RC3H1: variants seen among roughly 807,000 people sequenced by gnomAD.
The protein encoded by RC3H1 is ring finger and CCCH-type domains 1, also known as roquin-1.
In RC3H1, 50 loss-of-function variants were observed where a neutral mutation model predicts 138.2. The observed-to-expected ratio is 0.36, with a 90% CI of 0.29 to 0.46. RC3H1 has a LOEUF of 0.46. Ranked by LOEUF, RC3H1 falls within the 20% of genes least tolerant of loss-of-function variation. The pLI, the probability that RC3H1 is intolerant of heterozygous loss-of-function variation, is 1.00. For missense variants in RC3H1, 1,031 were observed against 1,388.1 expected (o/e 0.74, Z 4.09); for synonymous variants, 462 against 489.1 (o/e 0.94, Z 0.73).
At chr1:173,970,373 G>T (rs990415929) in intron 9 of RC3H1, 132 bp downstream of exon 9, 1 of 671,354 alleles carries the variant, frequency 1.5e-6, no homozygotes, top group African/African-American at 1.9e-5. Flanking sequence ...GAATAGGAAT[G>T]TTCAAGCTGT....
chr1:173,961,099 G>A lies in RC3H1; in HGVS notation c.2348C>T (p.Pro783Leu), dbSNP rs766549471. 19 of 1,613,294 alleles carry A rather than the reference G, an allele frequency of 1.2e-5. No individual in the cohort carries two copies. Among genetic ancestry groups the A allele is most frequent in the Non-Finnish European group, 1.7e-6 (2 of 1,179,738 alleles). The part of the protein sequence containing the change: ...PPPFAPSPTL[P>L]PTFHPEEFLD... ...TACTTCTTCCGGATGAAAGGTAGGAGGCAAGGTTGGTGAAGGTGCAAAAGG... is the reference window on the plus strand; with the variant it reads ...TACTTCTTCCGGATGAAAGGTAGGAAGCAAGGTTGGTGAAGGTGCAAAAGG... The change falls in exon 13 of 20, where the codon CCT (proline) becomes CTT (leucine). Residue 783 changes from proline (P) to leucine (L), a missense_variant. By Grantham distance (98) the Pro-to-Leu change is moderately conservative. Transcript: ENST00000367696.
chr1:173,992,186 C>T (rs1661316882), intron 2 of RC3H1, among the ~76,000 whole-genome samples: 1 of 152,182 alleles, frequency 6.6e-6, no homozygotes, highest in Non-Finnish European at 1.5e-5. Flanking sequence ...CTCACTCTGT[C>T]ACCCAGGCTG....
chr1:174,007,705 A>G (rs753279753), intron 1 of RC3H1, among the ~76,000 whole-genome samples: 1 of 151,896 alleles, frequency 6.6e-6, no homozygotes, highest in Admixed American at 6.6e-5. Context: ...TGATCCTCCT[A>G]CCTCAGCCTC....
chr1:173,974,787 G>A (rs1428962967), intron 7 of RC3H1, among the ~76,000 whole-genome samples: 3 of 152,168 alleles, frequency 2.0e-5, no homozygotes, highest in Non-Finnish European at 4.4e-5. Context: ...GAGAATTTAT[G>A]AGCAGAGGGT....
rs1658371617 is a variant in RC3H1, at chr1:173,931,368, C to T, written c.*7353G>A. 6.6e-6 allele frequency: 1 copy of T among 152,156 alleles called. No individual in the cohort carries two copies. Among genetic ancestry groups the T allele is most frequent in the South Asian group, 2.1e-4 (1 of 4,828 alleles). 9.4% of individuals were successfully genotyped at this position (152,156 alleles called of 1,614,324 possible). A position where few individuals can be genotyped will look rare whatever the true frequency, so the allele number is the denominator to read the frequency against. On this transcript the variant is annotated 3_prime_UTR_variant, in exon 20 of 20. Transcript: ENST00000367696. ...CTGCAACTCATGGGAGCCTTAAACA[C>T]TAATTAGGAGCAACATGAGGCTGAG...
At chr1:173,955,195 C>T (rs1362548473) in intron 13 of RC3H1, among the ~76,000 whole-genome samples, 2 of 134,782 alleles carry the variant, frequency 1.5e-5, no homozygotes, top group Admixed American at 1.5e-4. Flanking sequence ...CATTGCACTC[C>T]AGCCCAGACG....
At chr1:173,997,672 A>C (rs1012167617) in intron 1 of RC3H1, among the ~76,000 whole-genome samples, 1 of 152,186 alleles carries the variant, frequency 6.6e-6, no homozygotes, top group African/African-American at 2.4e-5. Flanking sequence ...AAAAATCAGC[A>C]ATCAGTTCTT....
At position 173,983,672 on chromosome 1, in the gene RC3H1, A is replaced by C. The variant is rs1221266225; in HGVS notation, c.353-15T>G. On this transcript the variant is annotated splice_polypyrimidine_tract_variant and intron_variant, in intron 3 of 19. Coordinates refer to ENST00000367696, the MANE Select transcript of RC3H1 (RefSeq NM_172071.4). ...CAGACCCACTCCTTTAAAAGAGTAA[A>C]GAAGTTATTCCTAGGTTCACAATGC... is the stretch of plus-strand genomic sequence containing the variant. 3.1e-6 allele frequency: 5 copies of C among 1,611,562 alleles called. No homozygotes were observed. Among genetic ancestry groups the C allele is most frequent in the Non-Finnish European group, 4.2e-6 (5 of 1,178,578 alleles).
At chr1:174,014,785 A>G (rs1352960597) in intron 1 of RC3H1, among the ~76,000 whole-genome samples, 1 of 152,218 alleles carries the variant, frequency 6.6e-6, no homozygotes, top group African/African-American at 2.4e-5. Flanking sequence ...CTTAAGTCAT[A>G]GAAGATGAGA....
At chr1:173,979,826 G>A (rs908331130) in intron 6 of RC3H1, among the ~76,000 whole-genome samples, 3 of 152,128 alleles carry the variant, frequency 2.0e-5, no homozygotes, top group African/African-American at 7.2e-5. Context: ...TCTGGTTAAA[G>A]GTATCCAGGG....
intron 1 of RC3H1, among the ~76,000 whole-genome samples, chr1:174,005,063 C>T (rs12122559): frequency 0.027 from 4,090 of 152,220 alleles, 91 homozygotes; most frequent in Middle Eastern, 0.085. Flanking sequence ...TTATTTCCCC[C>T]ATCCTTCAAC....
chr1:173,944,404 CA>C (rs1038783651), intron 17 of RC3H1, among the ~76,000 whole-genome samples: 1 of 151,898 alleles, frequency 6.6e-6, no homozygotes, highest in African/African-American at 2.4e-5. Flanking sequence ...AACTTTAAAA[CA>C]AAAAATCATG....
At chr1:174,012,784 C>CAAAAAA (rs11397475) in intron 1 of RC3H1, among the ~76,000 whole-genome samples, 1 of 112,774 alleles carries the variant, frequency 8.9e-6, no homozygotes, top group Non-Finnish European at 2.0e-5. Context: ...GACTCTGTCT[C>CAAAAAA]AAAAAAAAAA....
chr1:173,947,750 T>C (rs1659197164), intron 14 of RC3H1, among the ~76,000 whole-genome samples, 168 bp from the exon 15 acceptor site: 1 of 152,176 alleles, frequency 6.6e-6, no homozygotes, highest in African/African-American at 2.4e-5. Flanking sequence ...TTTAAACCTC[T>C]GAGGTGAGGG....
intron 14 of RC3H1, among the ~76,000 whole-genome samples, chr1:173,950,420 CAAAAAA>C (rs60259705): frequency 3.1e-5 from 2 of 63,664 alleles, no homozygotes; most frequent in African/African-American, 7.0e-5. Context: ...TCATCTCTAC[CAAAAAA>C]AAAAAAAAAA....
At chr1:174,020,878 G>A (rs1360818706) in intron 1 of RC3H1, among the ~76,000 whole-genome samples, 1 of 152,060 alleles carries the variant, frequency 6.6e-6, no homozygotes, top group Non-Finnish European at 1.5e-5. Flanking sequence ...GCATGGTGGC[G>A]GGCGCCTGTA....
At chr1:173,974,277 C>CAAAAAAAA (rs571801899) in intron 7 of RC3H1, among the ~76,000 whole-genome samples, 2 of 47,204 alleles carry the variant, frequency 4.2e-5, no homozygotes, top group Non-Finnish European at 7.7e-5. Flanking sequence ...GAGACTGTCT[C>CAAAAAAAA]AAAAAAAAAA....
intron 1 of RC3H1, among the ~76,000 whole-genome samples, chr1:174,014,825 G>GTTCTA (rs1378751354): frequency 1.3e-5 from 2 of 152,058 alleles, no homozygotes; most frequent in African/African-American, 4.8e-5. Flanking sequence ...CAAAGTGTAT[G>GTTCTA]TTCTATTTTT....
At chr1:174,003,385 T>TCTCACA (rs149830389) in intron 1 of RC3H1, among the ~76,000 whole-genome samples, 4 of 143,224 alleles carry the variant, frequency 2.8e-5, no homozygotes, top group East Asian at 2.1e-4. Flanking sequence ...AAGACTCCTA[T>TCTCACA]CACACACACA....
Sources: allele counts gnomAD v4.1 joint callset (sites outside exome capture counted in the v4.1 genomes callset), GRCh38; gene constraint gnomAD v4.1.1; transcripts MANE v1.5; gene names NCBI Gene and HGNC (gene_info 2026-07-23, HGNC 2026-07-21).